PTPRD: variants seen among roughly 807,000 people sequenced by gnomAD.
PTPRD encodes protein tyrosine phosphatase receptor type D, also known as receptor-type tyrosine-protein phosphatase delta.
In PTPRD, 34 loss-of-function variants were observed where a neutral mutation model predicts 214.5. The ratio of observed to expected loss-of-function variants is 0.16; its 90% CI spans 0.12 to 0.21. The LOEUF is 0.21. Ranked by LOEUF, PTPRD falls within the 10% of genes least tolerant of loss-of-function variation. PTPRD has a pLI of 1.00. For missense variants in PTPRD, 2,545 were observed against 2,398.7 expected (o/e 1.06, Z -1.27); for synonymous variants, 1,128 against 845.7 (o/e 1.33, Z -5.79).
intron 8 of PTPRD, among the ~76,000 whole-genome samples, chr9:9,519,613 C>A (rs1421355361): frequency 6.6e-6 from 1 of 151,802 alleles, no homozygotes; most frequent in African/African-American, 2.4e-5. Context: ...AGAACACAAA[C>A]CAAAATACCA....
intron 11 of PTPRD, among the ~76,000 whole-genome samples, chr9:8,862,636 G>C (rs2098126832): frequency 6.6e-6 from 1 of 152,164 alleles, no homozygotes; most frequent in Non-Finnish European, 1.5e-5. Flanking sequence ...GGCAGCTGGA[G>C]ATTTTGAGAC....
intron 10 of PTPRD, among the ~76,000 whole-genome samples, chr9:9,170,109 T>C (rs915525134): frequency 1.3e-5 from 2 of 152,202 alleles, no homozygotes; most frequent in Non-Finnish European, 2.9e-5. Flanking sequence ...AAGGTGGTGA[T>C]TTAGCCAAAC....
At chr9:8,939,522 C>T (rs750576533) in intron 11 of PTPRD, among the ~76,000 whole-genome samples, 1 of 152,050 alleles carries the variant, frequency 6.6e-6, no homozygotes, top group Non-Finnish European at 1.5e-5. Flanking sequence ...TATAGCATTG[C>T]TGCAGACAAT....
intron 4 of PTPRD, among the ~76,000 whole-genome samples, chr9:10,007,920 ATATT>A (rs1460587178): frequency 6.6e-6 from 1 of 152,008 alleles, no homozygotes; most frequent in African/African-American, 2.4e-5. Context: ...AAAGAAAAGT[ATATT>A]TATTTTCTCA....
intron 5 of PTPRD, among the ~76,000 whole-genome samples, chr9:9,887,657 G>A (rs1030382688): frequency 1.3e-5 from 2 of 152,106 alleles, no homozygotes; most frequent in African/African-American, 2.4e-5. Flanking sequence ...ATGAGGCGTA[G>A]TAGAAAAACA....
At chr9:9,124,575 T>TA (rs1305842570) in intron 10 of PTPRD, among the ~76,000 whole-genome samples, 2 of 152,092 alleles carry the variant, frequency 1.3e-5, no homozygotes, top group African/African-American at 4.8e-5. Flanking sequence ...AAATTGCCTT[T>TA]AAAAAAATAC....
At chr9:8,798,027 T>G (rs1377050535) in intron 11 of PTPRD, among the ~76,000 whole-genome samples, 1 of 152,170 alleles carries the variant, frequency 6.6e-6, no homozygotes, top group Non-Finnish European at 1.5e-5. Context: ...AATGGTAACT[T>G]GAGTCAAAGC....
intron 8 of PTPRD, among the ~76,000 whole-genome samples, chr9:9,426,847 T>C (rs904066772): frequency 6.6e-5 from 10 of 152,164 alleles, no homozygotes; most frequent in Non-Finnish European, 1.3e-4. Context: ...CTGAGGGTCC[T>C]GACTGTTAGA....
At chr9:10,385,408 G>A (rs920653121) in intron 2 of PTPRD, among the ~76,000 whole-genome samples, 3 of 151,754 alleles carry the variant, frequency 2.0e-5, no homozygotes, top group African/African-American at 7.3e-5. Flanking sequence ...TGTGAATGAT[G>A]AGAATATAAC....
chr9:9,298,066 G>A (rs1953789379), intron 9 of PTPRD, among the ~76,000 whole-genome samples: 1 of 151,630 alleles, frequency 6.6e-6, no homozygotes, highest in South Asian at 2.1e-4. Flanking sequence ...CAATGGATGG[G>A]TAAAAGAAAA....
intron 8 of PTPRD, among the ~76,000 whole-genome samples, chr9:9,397,820 GCACAAA>G (rs1311371303): frequency 6.6e-6 from 1 of 151,840 alleles, no homozygotes; most frequent in Non-Finnish European, 1.5e-5. Flanking sequence ...CTTGGTCCTG[GCACAAA>G]CACAATCTTG....
chr9:8,742,593 C>T (rs577212989), intron 11 of PTPRD, among the ~76,000 whole-genome samples: 12 of 152,100 alleles, frequency 7.9e-5, no homozygotes, highest in East Asian at 3.9e-4. Context: ...ATACATAGTA[C>T]GGAAAAGTCT....
At chr9:10,250,224 A>G (rs2092644324) in intron 3 of PTPRD, among the ~76,000 whole-genome samples, 1 of 152,148 alleles carries the variant, frequency 6.6e-6, no homozygotes, top group South Asian at 2.1e-4. Flanking sequence ...AGTGACTATA[A>G]AAAAGTAAAA....
chr9:8,746,800 C>G (rs2092867284), intron 11 of PTPRD, among the ~76,000 whole-genome samples: 1 of 151,504 alleles, frequency 6.6e-6, no homozygotes, highest in Non-Finnish European at 1.5e-5. Flanking sequence ...TCAAGACCAG[C>G]CTGGGCAACA....
At chr9:9,930,095 C>G (rs1304211698) in intron 5 of PTPRD, among the ~76,000 whole-genome samples, 1 of 152,184 alleles carries the variant, frequency 6.6e-6, no homozygotes, top group African/African-American at 2.4e-5. Flanking sequence ...GAATACACTA[C>G]TTAGGGCTGG....
chr9:9,793,481 CAAAT>C (rs2098981130), intron 5 of PTPRD, among the ~76,000 whole-genome samples: 1 of 151,960 alleles, frequency 6.6e-6, no homozygotes, highest in Admixed American at 6.6e-5. Flanking sequence ...AGTAGATAGA[CAAAT>C]GGATGGATGG....
chr9:10,174,130 G>C (rs533173352), intron 3 of PTPRD, among the ~76,000 whole-genome samples: 2 of 152,208 alleles, frequency 1.3e-5, no homozygotes, highest in Middle Eastern at 3.4e-3. Context: ...TTCACTCCCA[G>C]AAATATTTTG....
intron 8 of PTPRD, among the ~76,000 whole-genome samples, chr9:9,408,236 G>A (rs962465905): frequency 6.6e-6 from 1 of 151,730 alleles, no homozygotes; most frequent in African/African-American, 2.4e-5. Flanking sequence ...ATTATTATAT[G>A]TGCAAATTGG....
intron 14 of PTPRD, among the ~76,000 whole-genome samples, chr9:8,540,868 C>T (rs1593174194): frequency 6.6e-6 from 1 of 152,258 alleles, no homozygotes; most frequent in East Asian, 1.9e-4. Context: ...GAGCATTTCA[C>T]TATTTTACCA....
Sources: allele counts gnomAD v4.1 joint callset (sites outside exome capture counted in the v4.1 genomes callset), GRCh38; gene constraint gnomAD v4.1.1; transcripts MANE v1.5; gene names NCBI Gene and HGNC (gene_info 2026-07-23, HGNC 2026-07-21).